Variants in AIFM1 observed in about 807,000 individuals in gnomAD.
AIFM1 encodes the protein apoptosis-inducing factor 1, mitochondrial.
In AIFM1, 3 loss-of-function variants were observed where a neutral mutation model predicts 51.7. The ratio of observed to expected loss-of-function variants is 0.06; its 90% CI spans 0.03 to 0.15. AIFM1 has a LOEUF of 0.15. AIFM1 is among the 10% of genes least tolerant of loss of function. The pLI is 1.00. For missense variants in AIFM1, 330 were observed against 476.8 expected, an observed-to-expected ratio of 0.69 and a Z score of 2.87; for synonymous variants, 178 against 179.4, an observed-to-expected ratio of 0.99 and a Z score of 0.06.
At chrX:130,154,972 G>A (rs765896347) in intron 2 of AIFM1, among the ~76,000 whole-genome samples, 1 of 112,311 alleles carries the variant, frequency 8.9e-6, no homozygotes, top group South Asian at 3.7e-4. Context: ...ATATCTGGTA[G>A]GACTTCAACA....
chrX:130,160,705 A>G (rs1025251416), intron 1 of AIFM1, among the ~76,000 whole-genome samples: 1 of 111,137 alleles, frequency 9.0e-6, no homozygotes, highest in Non-Finnish European at 1.9e-5. Flanking sequence ...GGCATGCACC[A>G]TCGTGCCCGG....
intron 1 of AIFM1, among the ~76,000 whole-genome samples, chrX:130,160,911 T>C (rs2031324857): frequency 9.2e-6 from 1 of 109,136 alleles, no homozygotes; most frequent in South Asian, 3.8e-4. Flanking sequence ...AATAAATAAA[T>C]AAATAAAATG....
intron 2 of AIFM1, among the ~76,000 whole-genome samples, chrX:130,150,959 T>TA (rs1460906464): frequency 1.4e-5 from 1 of 69,711 alleles, no homozygotes; most frequent in Non-Finnish European, 2.5e-5. Flanking sequence ...GCCTGGGCGA[T>TA]AGAGTGAGAC....
At chrX:130,135,207 C>T (rs758288946) in intron 12 of AIFM1, among the ~76,000 whole-genome samples, 1 of 109,313 alleles carries the variant, frequency 9.1e-6, no homozygotes, top group East Asian at 2.9e-4. Flanking sequence ...CTCACTCAGC[C>T]TCCCAAGTAG....
intron 12 of AIFM1, 135 bp from the exon 13 acceptor site, chrX:130,133,590 T>A: frequency 1.2e-6 from 1 of 859,399 alleles, no homozygotes; most frequent in Non-Finnish European, 1.6e-6. Flanking sequence ...CAGGCCAGAG[T>A]TGTACTTAAA....
rs893909744 is a variant in AIFM1 at position 130,152,356 on chromosome X, T to C, written c.250-2788A>G. Among the ~76,000 whole-genome samples the C allele has an allele frequency of 4.5e-5, 5 of 111,287 alleles. No homozygotes were observed. In the Admixed American group the frequency reaches 4.8e-4, roughly 11 times the overall value. ...GAATGAGGTCGATCTGTCTGATATATATATATAAATGTATTTATTTCTTTA... is the reference window on the plus strand; with the variant it reads ...GAATGAGGTCGATCTGTCTGATATACATATATAAATGTATTTATTTCTTTA... On this transcript the variant is annotated intron_variant, in intron 2 of 15. Coordinates refer to ENST00000287295, the MANE Select transcript of AIFM1 (RefSeq NM_004208.4).
At chrX:130,161,609 CT>C (rs1224200767) in intron 1 of AIFM1, among the ~76,000 whole-genome samples, 147 of 96,505 alleles carry the variant, frequency 1.5e-3, no homozygotes, top group East Asian at 6.3e-3. Context: ...ATTTATCAGC[CT>C]TTTTTTTTTT....
intron 5 of AIFM1, among the ~76,000 whole-genome samples, chrX:130,147,206 TG>T (rs764603913): frequency 1.8e-5 from 2 of 112,098 alleles, no homozygotes; most frequent in African/African-American, 6.5e-5. Context: ...CAGGCCAAGT[TG>T]ATCTTCACCT....
At chrX:130,132,649 G>A (rs1312022775) in intron 13 of AIFM1, among the ~76,000 whole-genome samples, 2 of 111,576 alleles carry the variant, frequency 1.8e-5, no homozygotes, top group African/African-American at 6.5e-5. Context: ...GCAATCCCCC[G>A]GCCTTGGCCT....
At chrX:130,156,635 T>A (rs746794802) in intron 1 of AIFM1, 32 bp from the exon 2 acceptor site, 2 of 1,196,257 alleles carry the variant, frequency 1.7e-6, no homozygotes, top group Non-Finnish European at 2.3e-6. Context: ...GACACACACA[T>A]ACAAAAATAA....
intron 6 of AIFM1, among the ~76,000 whole-genome samples, chrX:130,143,726 G>A (rs769879072): frequency 1.4e-4 from 15 of 109,988 alleles, no homozygotes; most frequent in Non-Finnish European, 2.7e-4. Flanking sequence ...GCATGGTGGC[G>A]CATGCAGCTA....
chrX:130,131,614 C>T (rs2030082239), intron 14 of AIFM1, 61 bp downstream of exon 14: 10 of 1,196,019 alleles, frequency 8.4e-6, no homozygotes, highest in Non-Finnish European at 1.1e-5. Flanking sequence ...ACCCCTTGTT[C>T]AGGAGAATCT....
intron 2 of AIFM1, among the ~76,000 whole-genome samples, chrX:130,153,247 G>A (rs1047904850): frequency 9.5e-6 from 1 of 105,520 alleles, no homozygotes; most frequent in Non-Finnish European, 2.0e-5. Flanking sequence ...CTACTCCTCG[G>A]GAGGCTGAGG....
chrX:130,129,811 GA>G (rs770092455), intron 15 of AIFM1, among the ~76,000 whole-genome samples, 158 bp downstream of exon 15: 1 of 111,800 alleles, frequency 8.9e-6, no homozygotes, highest in South Asian at 3.8e-4. Flanking sequence ...AGTCCCAAGT[GA>G]AAAAGAATGT....
At chrX:130,138,728 T>C (rs1292825211) in intron 8 of AIFM1, 27 bp from the exon 9 acceptor site, 2 of 1,058,457 alleles carry the variant, frequency 1.9e-6, no homozygotes, top group Non-Finnish European at 2.6e-6. Flanking sequence ...GTTTAGTCCA[T>C]TAATTTCCAA....
chrX:130,162,039 A>G (rs919124729), intron 1 of AIFM1, among the ~76,000 whole-genome samples: 1 of 112,591 alleles, frequency 8.9e-6, no homozygotes, highest in Non-Finnish European at 1.9e-5. Context: ...ATAACAAAAT[A>G]AAATCTCTCT....
At chrX:130,162,095 C>T (rs776650759) in intron 1 of AIFM1, among the ~76,000 whole-genome samples, 70 of 111,877 alleles carry the variant, frequency 6.3e-4, no homozygotes, top group Non-Finnish European at 3.4e-4. Flanking sequence ...GGTTCAGTCA[C>T]GAGAATTTAC....
At chrX:130,153,535 A>G (rs1254314642) in intron 2 of AIFM1, among the ~76,000 whole-genome samples, 1 of 111,163 alleles carries the variant, frequency 9.0e-6, no homozygotes, top group Non-Finnish European at 1.9e-5. Context: ...TATGGACTGA[A>G]TGTTTCCTAT....
At chrX:130,133,630 ATT>A (rs66532248) in intron 12 of AIFM1, among the ~76,000 whole-genome samples, 175 bp from the exon 13 acceptor site, 29 of 103,428 alleles carry the variant, frequency 2.8e-4, no homozygotes, top group African/African-American at 8.1e-4. Flanking sequence ...ACCCATTTAA[ATT>A]TTTTTTTTTT....
Sources: allele counts gnomAD v4.1 joint callset (sites outside exome capture counted in the v4.1 genomes callset), GRCh38; gene constraint gnomAD v4.1.1; transcripts MANE v1.5; gene names NCBI Gene and HGNC (gene_info 2026-07-23, HGNC 2026-07-21).